Variants in LILRA1 observed in about 807,000 individuals in gnomAD.
LILRA1 encodes leukocyte immunoglobulin like receptor A1.
In LILRA1, 51 loss-of-function variants were observed where a neutral mutation model predicts 51.6. That is an observed-to-expected ratio of 0.99 (90% CI 0.79 to 1.25). LILRA1 has a LOEUF of 1.25. Among genes scored for constraint, LILRA1 ranks in the 50% most tolerant of loss-of-function variants. LILRA1 has a pLI of 0.00. For missense variants in LILRA1, 660 were observed against 611.7 expected (o/e 1.08, Z -0.83); for synonymous variants, 305 against 248.4 (o/e 1.23, Z -2.14).
rs540178395 is a variant in LILRA1 at position 54,601,073 on chromosome 19, T to C, written c.*256T>C. 1.0e-4 allele frequency: 57 copies of C among 557,938 alleles called. No homozygotes were observed. The African/African-American group carries it at 1.1e-3, about 10-fold the overall frequency. 34.6% of individuals were successfully genotyped at this position (557,938 alleles called of 1,614,324 possible). A position where few individuals can be genotyped will look rare whatever the true frequency, so the allele number is the denominator to read the frequency against. On this transcript the variant is annotated 3_prime_UTR_variant, in exon 10 of 10. Transcript: ENST00000251372. ...ATGTTGACTTCCCTTGGTTGGATCC[T>C]CTTCTTTCCCCACCCCCAGACAGAC...
At chr19:54,596,875 A>G (rs562458187) in intron 7 of LILRA1, among the ~76,000 whole-genome samples, 26 of 151,964 alleles carry the variant, frequency 1.7e-4, no homozygotes, top group Admixed American at 1.2e-3. Flanking sequence ...TCAAAAAAAA[A>G]GGAAAAGAAA....
At chr19:54,600,321 A>G (rs2063141254) in intron 8 of LILRA1, among the ~76,000 whole-genome samples, 191 bp from the exon 9 acceptor site, 1 of 152,202 alleles carries the variant, frequency 6.6e-6, no homozygotes, top group South Asian at 2.1e-4. Context: ...CCTCAGGAGT[A>G]ACATTCGAAT....
Position 54,594,248 on chromosome 19 carries a change from AC to A in LILRA1, c.9del (p.Ile4SerfsTer5). On this transcript the variant is annotated frameshift_variant, in exon 2 of 10. Coordinates refer to ENST00000251372, the MANE Select transcript of LILRA1 (RefSeq NM_006863.4). LOFTEE classifies it high-confidence loss of function. ...CAGGGCAGTGGGAGGAGACGCTATG[AC>A]CCCCATCGTCACAGTCCTGATCTGT... M[T>X]PIVTVLICLR... 11 of 1,612,078 alleles carry A rather than the reference AC, an allele frequency of 6.8e-6. No homozygotes were observed. Among genetic ancestry groups the A allele is most frequent in the Non-Finnish European group, 8.5e-6 (10 of 1,179,354 alleles).
Position 54,595,242 on chromosome 19 carries a change from C to A in LILRA1, c.501C>A (p.Cys167Ter). 1 of 1,614,100 alleles carries A rather than the reference C, an allele frequency of 6.2e-7. No individual in the cohort carries two copies. Among genetic ancestry groups the A allele is most frequent in the Non-Finnish European group, 8.5e-7 (1 of 1,180,010 alleles). The stretch of plus-strand genomic sequence containing the variant: ...AAGGAGAAGATGAACACCCACAATG[C>A]CTGAACTCACAGCCCCGTACCCATG... ...CKEGEDEHPQCLNSQPRTHGW... is the reference protein window; with the variant it reads ...CKEGEDEHPQ The change falls in exon 5 of 10, where the codon TGC becomes TGA. Residue 167 changes from cysteine (C) to a stop codon, truncating the protein, a stop_gained. Transcript: ENST00000251372. LOFTEE classifies it high-confidence loss of function.
Position 54,595,261 on chromosome 19 carries a change from A to G in LILRA1, c.520A>G (p.Thr174Ala), listed in dbSNP as rs557903710. Residue 174 changes from threonine (T) to alanine (A), a missense_variant, in exon 5 of 10, where the codon ACC (threonine) becomes GCC (alanine). By Grantham distance (58) the Thr-to-Ala change is moderately conservative. Transcript: ENST00000251372. The stretch of plus-strand genomic sequence containing the variant: ...ACAATGCCTGAACTCACAGCCCCGT[A>G]CCCATGGGTGGTCCCGGGCCATCTT... ...HPQCLNSQPR[T>A]HGWSRAIFSV... The G allele has an allele frequency of 8.7e-6, 14 of 1,613,422 alleles. No individual in the cohort carries two copies. Among genetic ancestry groups the G allele is most frequent in the Admixed American group, 1.7e-5 (1 of 59,946 alleles).
intron 9 of LILRA1, 33 bp downstream of exon 9, chr19:54,600,583 G>A: frequency 6.2e-7 from 1 of 1,613,736 alleles, no homozygotes; most frequent in Non-Finnish European, 8.5e-7. Flanking sequence ...TTACGGTGCT[G>A]GGCACAAGGG....
intron 8 of LILRA1, among the ~76,000 whole-genome samples, chr19:54,599,884 A>G (rs914550409): frequency 3.9e-5 from 6 of 152,194 alleles, no homozygotes; most frequent in African/African-American, 1.4e-4. Context: ...CATAAAAACA[A>G]ATACTGATTT....
In LILRA1 at chr19:54,600,699, C is replaced by G. The variant is rs371016988; in HGVS notation, c.1352C>G (p.Ala451Gly). ...NTLSPSQNKT[A>G]SHPQDYTVEN... ...TGACCTCTTTGCCCACCATCCCCAG[C>G]CTCACACCCCCAGGATTACACAGTG... Residue 451 changes from alanine to glycine, a missense_variant and splice_region_variant, in exon 10 of 10, where the codon GCC (alanine) becomes GGC (glycine). Physicochemically the swap from Ala to Gly is moderately conservative, Grantham distance 60 (BLOSUM62 0). Coordinates refer to ENST00000251372, the MANE Select transcript of LILRA1 (RefSeq NM_006863.4). The G allele has an allele frequency of 2.3e-5, 37 of 1,613,938 alleles. No individual in the cohort carries two copies. In the Admixed American group the frequency reaches 2.3e-4, roughly 10 times the overall value.
rs117371487 is a variant in LILRA1, at chr19:54,594,241, C to T, written c.-4C>T. 0.043 allele frequency: 68,450 copies of T among 1,587,014 alleles called. 2,041 individuals carry two copies. The highest frequency in any genetic ancestry group is 0.048 in the South Asian group (4,305 of 89,304). Reference sequence around the variant, plus strand: ...CGCAGAGCAGGGCAGTGGGAGGAGACGCTATGACCCCCATCGTCACAGTCC... The same window carrying T: ...CGCAGAGCAGGGCAGTGGGAGGAGATGCTATGACCCCCATCGTCACAGTCC... On this transcript the variant is annotated 5_prime_UTR_variant, in exon 2 of 10. In the 5' UTR this introduces an upstream ATG that the reference lacks. Transcript: ENST00000251372.
At chr19:54,598,078 T>C (rs2063096745) in intron 7 of LILRA1, among the ~76,000 whole-genome samples, 1 of 151,082 alleles carries the variant, frequency 6.6e-6, no homozygotes, top group South Asian at 2.1e-4. Context: ...GGAGGGACCG[T>C]GCACCTGCTC....
Position 54,600,950 on chromosome 19 carries a change from A to G in LILRA1, c.*133A>G, listed in dbSNP as rs982629296. On this transcript the variant is annotated 3_prime_UTR_variant, in exon 10 of 10. Transcript: ENST00000251372. ...CTGATGCTATCTGGACTGTCTGCCA[A>G]TCATTTTTAGAGGGAGGAATCAGTG... 3.0e-6 allele frequency: 3 copies of G among 999,902 alleles called. No homozygotes were observed. In the Admixed American group the frequency reaches 5.8e-5, roughly 19 times the overall value. The allele number at this position is 999,902 out of a possible 1,614,324, so 61.9% of individuals were successfully genotyped here. A position where few individuals can be genotyped will look rare whatever the true frequency, so the allele number is the denominator to read the frequency against.
Position 54,595,273 on chromosome 19 carries a change from T to C in LILRA1, c.532T>C (p.Ser178Pro). The change falls in exon 5 of 10, where the codon TCC becomes CCC. Residue 178 changes from serine to proline, a missense_variant. By Grantham distance (74) the Ser-to-Pro change is moderately conservative. Transcript: ENST00000251372. ...CTCACAGCCCCGTACCCATGGGTGG[T>C]CCCGGGCCATCTTCTCTGTGGGCCC... is the stretch of plus-strand genomic sequence containing the variant. Reference protein sequence around the residue: ...LNSQPRTHGWSRAIFSVGPVS... With the variant: ...LNSQPRTHGWPRAIFSVGPVS... 1.9e-6 allele frequency: 3 copies of C among 1,613,700 alleles called. No homozygotes were observed. Among genetic ancestry groups the C allele is most frequent in the Non-Finnish European group, 2.5e-6 (3 of 1,179,860 alleles).
Position 54,595,806 on chromosome 19 carries a change from C to G in LILRA1, c.829C>G (p.Leu277Val), listed in dbSNP as rs754976149. Reference protein sequence around the residue: ...QLPGPQPQAGLSQANFTLGPV... With the variant: ...QLPGPQPQAGVSQANFTLGPV... ...CCCTGGCCCACAGCCCCAGGCTGGG[C>G]TCTCCCAGGCCAACTTCACCCTGGG... The change falls in exon 6 of 10, where the codon CTC becomes GTC. Residue 277 changes from leucine (L) to valine (V), a missense_variant. Transcript: ENST00000251372. The G allele has an allele frequency of 6.2e-6, 10 of 1,614,090 alleles. No individual in the cohort carries two copies. The highest frequency in any genetic ancestry group is 2.5e-6 in the Non-Finnish European group (3 of 1,180,024).
At position 54,600,707 on chromosome 19, in the gene LILRA1, C is replaced by T; in HGVS notation, c.1360C>T (p.Pro454Ser). ...SPSQNKTASHPQDYTVENLIR... is the reference protein window; with the variant it reads ...SPSQNKTASHSQDYTVENLIR... ...TTGCCCACCATCCCCAGCCTCACACCCCCAGGATTACACAGTGGAGAATCT... is the reference window on the plus strand; with the variant it reads ...TTGCCCACCATCCCCAGCCTCACACTCCCAGGATTACACAGTGGAGAATCT... Residue 454 changes from proline to serine, a missense_variant, in exon 10 of 10, where the codon CCC becomes TCC. By Grantham distance (74) the Pro-to-Ser change is moderately conservative. Transcript: ENST00000251372. The T allele has an allele frequency of 1.9e-6, 3 of 1,614,044 alleles. No homozygotes were observed. Among genetic ancestry groups the T allele is most frequent in the Non-Finnish European group, 2.5e-6 (3 of 1,179,996 alleles).
At chr19:54,594,411 G>T (rs764795084) in intron 2 of LILRA1, 30 bp from the exon 3 acceptor site, 12 of 1,614,094 alleles carry the variant, frequency 7.4e-6, no homozygotes, top group Admixed American at 3.3e-5. Context: ...GGCTTCAGGG[G>T]CAAATTCCTC....
rs370670646 is a variant in LILRA1, at chr19:54,594,217, G to T, written c.-28G>T. The T allele has an allele frequency of 6.6e-7, 1 of 1,526,546 alleles. No homozygotes were observed. The highest frequency in any genetic ancestry group is 1.1e-5 in the South Asian group (1 of 88,032). 94.6% of individuals were successfully genotyped at this position (1,526,546 alleles called of 1,614,324 possible). ...GCCAGCACCGAGGGCTCATCCATCC[G>T]CAGAGCAGGGCAGTGGGAGGAGACG... is the stretch of plus-strand genomic sequence containing the variant. On this transcript the variant is annotated 5_prime_UTR_variant, in exon 2 of 10. Transcript: ENST00000251372.
rs1436027929 is a variant in LILRA1, at chr19:54,595,316, G to C, written c.575G>C (p.Arg192Thr). ...GTGGGCCCCGTGAGCCCGAGTCGCAGGTGGTCGTACAGGTGCTATGCTTAT... is the reference window on the plus strand; with the variant it reads ...GTGGGCCCCGTGAGCCCGAGTCGCACGTGGTCGTACAGGTGCTATGCTTAT... The part of the protein sequence containing the change: ...FSVGPVSPSR[R>T]WSYRCYAYDS... The change falls in exon 5 of 10, where the codon AGG becomes ACG. Residue 192 changes from arginine (R) to threonine (T), a missense_variant. By Grantham distance (71) the Arg-to-Thr change is moderately conservative. Coordinates refer to ENST00000251372, the MANE Select transcript of LILRA1 (RefSeq NM_006863.4). 6.2e-7 allele frequency: 1 copy of C among 1,614,026 alleles called. No individual in the cohort carries two copies. The highest frequency in any genetic ancestry group is 1.3e-5 in the African/African-American group (1 of 74,926).
In LILRA1 at chr19:54,596,444, C is replaced by T. The variant is rs1568543085; in HGVS notation, c.1214C>T (p.Pro405Leu). 6.8e-6 allele frequency: 11 copies of T among 1,614,182 alleles called. No individual in the cohort carries two copies. Among genetic ancestry groups the T allele is most frequent in the East Asian group, 2.2e-5 (1 of 44,880 alleles). ...TGCTACGGCTCACTCAGCTCCAACCCCTACCTGCTGTCTCACCCCAGTGAC... is the reference window on the plus strand; with the variant it reads ...TGCTACGGCTCACTCAGCTCCAACCTCTACCTGCTGTCTCACCCCAGTGAC... The part of the protein sequence containing the change: ...YRCYGSLSSN[P>L]YLLSHPSDSL... Residue 405 changes from proline to leucine, a missense_variant, in exon 7 of 10, where the codon CCC (proline) becomes CTC (leucine). Physicochemically the swap from Pro to Leu is moderately conservative, Grantham distance 98 (BLOSUM62 -3). Coordinates refer to ENST00000251372, the MANE Select transcript of LILRA1 (RefSeq NM_006863.4).
chr19:54,594,243 C>A lies in LILRA1; in HGVS notation c.-2C>A, dbSNP rs778560982. 4 of 1,612,836 alleles carry A rather than the reference C, an allele frequency of 2.5e-6. No homozygotes were observed. Among genetic ancestry groups the A allele is most frequent in the African/African-American group, 1.3e-5 (1 of 74,644 alleles). On this transcript the variant is annotated 5_prime_UTR_variant, in exon 2 of 10. Coordinates refer to ENST00000251372, the MANE Select transcript of LILRA1 (RefSeq NM_006863.4). ...CAGAGCAGGGCAGTGGGAGGAGACG[C>A]TATGACCCCCATCGTCACAGTCCTG... is the stretch of plus-strand genomic sequence containing the variant.
Sources: allele counts gnomAD v4.1 joint callset (sites outside exome capture counted in the v4.1 genomes callset), GRCh38; gene constraint gnomAD v4.1.1; transcripts MANE v1.5; gene names NCBI Gene and HGNC (gene_info 2026-07-23, HGNC 2026-07-21).